The following RAPGEF5 variants were observed in gnomAD, a reference collection of about 807,000 sequenced individuals.
RAPGEF5 encodes Rap guanine nucleotide exchange factor 5, also known as M-Ras-regulated GEF.
A neutral mutation model predicts 125.2 loss-of-function variants in RAPGEF5; 65 were observed. That is an observed-to-expected ratio of 0.52 (90% CI 0.43 to 0.64). The LOEUF (loss-of-function observed/expected upper bound fraction) is 0.64, where lower values mean the gene tolerates loss of function less well. Among genes scored for constraint, RAPGEF5 ranks in the 30% least tolerant of loss-of-function variants. RAPGEF5 has a pLI of 0.00. For synonymous variants in RAPGEF5, 391 were observed against 385.9 expected (o/e 1.01, Z -0.16); for missense variants, 958 against 1,048.1 (o/e 0.91, Z 1.19).
At chr7:22,340,446 G>C (rs562443956) in intron 1 of RAPGEF5, among the ~76,000 whole-genome samples, 4 of 152,212 alleles carry the variant, frequency 2.6e-5, no homozygotes, top group Admixed American at 6.5e-5. Context: ...ACCAGAGAAG[G>C]AGATGGTAAG....
chr7:22,184,359 A>G (rs1784766112), intron 11 of RAPGEF5, among the ~76,000 whole-genome samples: 2 of 152,288 alleles, frequency 1.3e-5, no homozygotes, highest in South Asian at 4.2e-4. Context: ...ACTACTCTAC[A>G]TTTTTCTGAA....
At position 22,230,739 on chromosome 7, in the gene RAPGEF5, T is replaced by G. The variant is rs927017665; in HGVS notation, c.870+107A>C. On this transcript the variant is annotated intron_variant, in intron 8 of 25. Transcript: ENST00000665637. Reference sequence around the variant, plus strand: ...CTTTATTCCCAATAACATGGCTATTTACAAAACATAAAAGGTAAAACCTAT... The same window carrying G: ...CTTTATTCCCAATAACATGGCTATTGACAAAACATAAAAGGTAAAACCTAT... 13 of 1,065,412 alleles carry G rather than the reference T, an allele frequency of 1.2e-5. No individual in the cohort carries two copies. In the African/African-American group the frequency reaches 1.5e-4, roughly 12 times the overall value. The allele number at this position is 1,065,412 out of a possible 1,614,324, so 66.0% of individuals were successfully genotyped here. A position where few individuals can be genotyped will look rare whatever the true frequency, so the allele number is the denominator to read the frequency against.
intron 6 of RAPGEF5, among the ~76,000 whole-genome samples, chr7:22,281,542 C>T (rs538121212): frequency 6.6e-6 from 1 of 152,332 alleles, no homozygotes; most frequent in African/African-American, 2.4e-5. Flanking sequence ...GCCGTCTTCC[C>T]TTCTATCCTT....
chr7:22,130,861 T>C, intron 24 of RAPGEF5, 176 bp downstream of exon 24: 1 of 800,292 alleles, frequency 1.2e-6, no homozygotes, highest in Non-Finnish European at 1.9e-6. Context: ...GAATACATTT[T>C]GTTGGCAGCG....
rs768994862 is a variant in RAPGEF5 at position 22,164,398 on chromosome 7, C to T, written c.1284-1857G>A. Among the ~76,000 whole-genome samples the T allele has an allele frequency of 1.0e-4, 6 of 58,632 alleles. No individual in the cohort carries two copies. In the Admixed American group the frequency reaches 1.3e-3, roughly 13 times the overall value. The allele number at this position is 58,632 out of a possible 152,430, so 38.5% of individuals were successfully genotyped here. On this transcript the variant is annotated intron_variant, in intron 12 of 25. Coordinates refer to ENST00000665637, the MANE Select transcript of RAPGEF5 (RefSeq NM_012294.5). ...TCTTCTTTTCCTGTGAATATAATAC[C>T]TTCACTAATATAAAGAAAAGAAATC...
intron 16 of RAPGEF5, among the ~76,000 whole-genome samples, chr7:22,156,087 C>T (rs1583422911): frequency 6.6e-6 from 1 of 152,170 alleles, no homozygotes; most frequent in African/African-American, 2.4e-5. Context: ...CTTGTGACTT[C>T]TTTTACAAGT....
intron 12 of RAPGEF5, among the ~76,000 whole-genome samples, chr7:22,164,592 T>C (rs1455767476): frequency 6.6e-6 from 1 of 152,220 alleles, no homozygotes; most frequent in East Asian, 1.9e-4. Context: ...CTTTACCTTG[T>C]TTTCCTCCCT....
intron 12 of RAPGEF5, among the ~76,000 whole-genome samples, chr7:22,164,549 A>G (rs1442618559): frequency 6.6e-6 from 1 of 152,218 alleles, no homozygotes; most frequent in Non-Finnish European, 1.5e-5. Context: ...TCAAGAAGCA[A>G]CACTTCAACC....
At chr7:22,232,133 G>A (rs1413780794) in intron 7 of RAPGEF5, among the ~76,000 whole-genome samples, 11 of 151,850 alleles carry the variant, frequency 7.2e-5, no homozygotes, top group Admixed American at 7.2e-4. Context: ...TGAATATGGA[G>A]AGAGAAAAAA....
intron 6 of RAPGEF5, among the ~76,000 whole-genome samples, chr7:22,282,498 T>C (rs572627852): frequency 1.9e-4 from 29 of 152,308 alleles, no homozygotes; most frequent in Middle Eastern, 3.4e-3. Flanking sequence ...ATTCAGTAAA[T>C]ATAAAATGTT....
intron 16 of RAPGEF5, among the ~76,000 whole-genome samples, chr7:22,156,117 T>G (rs1477035557): frequency 6.6e-6 from 1 of 152,218 alleles, no homozygotes; most frequent in Non-Finnish European, 1.5e-5. Flanking sequence ...TGGGCAAATA[T>G]TAAATGATCA....
intron 24 of RAPGEF5, among the ~76,000 whole-genome samples, chr7:22,125,986 A>G (rs1227612676): frequency 6.6e-6 from 1 of 152,090 alleles, no homozygotes; most frequent in Non-Finnish European, 1.5e-5. Context: ...CATCTCTACT[A>G]AAAATACAAA....
intron 1 of RAPGEF5, among the ~76,000 whole-genome samples, chr7:22,326,301 G>A (rs2128156757): frequency 6.6e-6 from 1 of 152,302 alleles, no homozygotes. Context: ...TCTAAACGAT[G>A]TGAGACAGTG....
At chr7:22,128,415 C>T (rs541411092) in intron 24 of RAPGEF5, among the ~76,000 whole-genome samples, 47 of 152,270 alleles carry the variant, frequency 3.1e-4, no homozygotes, top group Admixed American at 9.2e-4. Context: ...AGATAATACA[C>T]TGAATTATCT....
At chr7:22,251,895 T>C (rs1016185087) in intron 7 of RAPGEF5, among the ~76,000 whole-genome samples, 3 of 148,288 alleles carry the variant, frequency 2.0e-5, no homozygotes, top group African/African-American at 5.0e-5. Flanking sequence ...GAGAAGGAAA[T>C]AAAATGTGGG....
chr7:22,311,261 T>C (rs1783463795), intron 3 of RAPGEF5, among the ~76,000 whole-genome samples: 1 of 152,142 alleles, frequency 6.6e-6, no homozygotes, highest in African/African-American at 2.4e-5. Flanking sequence ...CAAGTGATCC[T>C]GCCTCAGCTG....
chr7:22,142,208 A>C (rs1443078796), intron 20 of RAPGEF5, among the ~76,000 whole-genome samples: 1 of 152,206 alleles, frequency 6.6e-6, no homozygotes, highest in East Asian at 1.9e-4. Flanking sequence ...CCCACTGCTT[A>C]TGCAATCTCT....
At chr7:22,239,072 G>A (rs536558922) in intron 7 of RAPGEF5, among the ~76,000 whole-genome samples, 2 of 152,332 alleles carry the variant, frequency 1.3e-5, no homozygotes, top group South Asian at 4.1e-4. Context: ...TTAAAGAAGT[G>A]ATGTTTGATG....
chr7:22,315,508 G>A, intron 2 of RAPGEF5, 32 bp from the exon 3 acceptor site: 1 of 1,329,308 alleles, frequency 7.5e-7, no homozygotes, highest in Non-Finnish European at 9.6e-7. Context: ...TGTAAATATA[G>A]AACAATAATG....
Sources: gnomAD v4.1 joint callset for allele counts (sites outside exome capture counted in the v4.1 genomes callset) on GRCh38, gnomAD v4.1.1 for gene constraint, MANE v1.5 for transcripts, NCBI Gene and HGNC (gene_info 2026-07-23, HGNC 2026-07-21) for gene names.